DTNB: variants seen among roughly 807,000 people sequenced by gnomAD.
DTNB encodes dystrobrevin beta, also known as DTN-B.
DTNB carries 63 observed loss-of-function variants against 90.7 expected under a neutral mutation model. That is an observed-to-expected ratio of 0.69 (90% CI 0.57 to 0.86). DTNB has a LOEUF of 0.86. Ranked by LOEUF, DTNB falls within the 40% of genes least tolerant of loss-of-function variation. The probability of loss-of-function intolerance (pLI) is 0.00; values close to 1 mark genes in which losing one functional copy is unlikely to be tolerated. For missense variants in DTNB, 744 were observed against 807.1 expected (o/e 0.92, Z 0.95); for synonymous variants, 277 against 286.7 (o/e 0.97, Z 0.34).
chr2:25,627,271 G>A (rs1449868957), intron 4 of DTNB, among the ~76,000 whole-genome samples: 1 of 152,070 alleles, frequency 6.6e-6, no homozygotes, highest in Non-Finnish European at 1.5e-5. Context: ...AATTAGCTGG[G>A]CGTGGTGGCG....
At chr2:25,589,377 T>C (rs986115945) in intron 6 of DTNB, among the ~76,000 whole-genome samples, 26 of 109,018 alleles carry the variant, frequency 2.4e-4, no homozygotes, top group Non-Finnish European at 4.2e-4. Flanking sequence ...CTTTTTTTTT[T>C]TTTTTTTTTT....
chr2:25,382,519 CTTTTT>C lies in DTNB; in HGVS notation c.1879+1312_1879+1316del, dbSNP rs3041261. On this transcript the variant is annotated intron_variant, in intron 19 of 20. Transcript: ENST00000406818. ...GAGTCAGAAAGACCCAGTTCTCTGCCTTTTTTTTTTTTTTTTTTTTTTTTTTTGAG... is the reference window on the plus strand; with the variant it reads ...GAGTCAGAAAGACCCAGTTCTCTGCCTTTTTTTTTTTTTTTTTTTTTTGAG... 8.3e-5 allele frequency among the ~76,000 whole-genome samples: 6 copies of C among 72,006 alleles called. 1 individual carries two copies. The highest frequency in any genetic ancestry group is 1.3e-4 in the Non-Finnish European group (5 of 39,500). The allele number at this position is 72,006 out of a possible 152,430, so 47.2% of individuals were successfully genotyped here.
intron 8 of DTNB, among the ~76,000 whole-genome samples, chr2:25,572,487 T>C (rs1005662468): frequency 6.7e-6 from 1 of 149,816 alleles, no homozygotes; most frequent in Non-Finnish European, 1.5e-5. Flanking sequence ...AAAAAAACTA[T>C]CTGCACCGTC....
At chr2:25,480,478 C>T (rs768737557) in intron 10 of DTNB, among the ~76,000 whole-genome samples, 62 of 151,230 alleles carry the variant, frequency 4.1e-4, no homozygotes, top group African/African-American at 1.4e-3. Context: ...TGGCTACTTA[C>T]AATAAAGCCT....
At chr2:25,480,587 G>T (rs2064743118) in intron 10 of DTNB, among the ~76,000 whole-genome samples, 1 of 152,102 alleles carries the variant, frequency 6.6e-6, no homozygotes, top group Non-Finnish European at 1.5e-5. Flanking sequence ...ATAAAACACT[G>T]TCCAGAAAGC....
intron 10 of DTNB, among the ~76,000 whole-genome samples, chr2:25,458,420 AAAAAG>A (rs1443733087): frequency 1.8e-4 from 27 of 152,096 alleles, no homozygotes; most frequent in South Asian, 6.2e-4. Context: ...TTAAAAAAAA[AAAAAG>A]AGAGAGAGAA....
chr2:25,406,450 G>A (rs1266332026), intron 16 of DTNB, among the ~76,000 whole-genome samples: 5 of 151,200 alleles, frequency 3.3e-5, no homozygotes, highest in African/African-American at 2.4e-5. Context: ...CAGGAGAATC[G>A]CTTGAACCTG....
At chr2:25,526,395 A>ATATATTTTTTTTTTT in intron 9 of DTNB, among the ~76,000 whole-genome samples, 6 of 49,826 alleles carry the variant, frequency 1.2e-4, no homozygotes, top group African/African-American at 5.9e-4. Flanking sequence ...ATATATATAT[A>ATATATTTTTTTTTTT]TTTTTTTTTT....
chr2:25,483,669 A>C (rs1163655931), intron 9 of DTNB, among the ~76,000 whole-genome samples: 1 of 152,164 alleles, frequency 6.6e-6, no homozygotes, highest in Non-Finnish European at 1.5e-5. Context: ...CAAGCTTCTC[A>C]AAAAGGTGCC....
chr2:25,597,202 G>A (rs1460646746), intron 5 of DTNB, among the ~76,000 whole-genome samples: 1 of 151,988 alleles, frequency 6.6e-6, no homozygotes, highest in Non-Finnish European at 1.5e-5. Flanking sequence ...ATAGTGGTGT[G>A]CACCTGTACT....
At position 25,518,272 on chromosome 2, in the gene DTNB, T is replaced by C. The variant is rs111255273; in HGVS notation, c.1001+13201A>G. On this transcript the variant is annotated intron_variant, in intron 9 of 20. Transcript: ENST00000406818. The stretch of plus-strand genomic sequence containing the variant: ...TTGTGAAGTTTTGTGAGATTTTGAG[T>C]TTAAAAGCAGAGAGCTTTATAGTAG... Among the ~76,000 whole-genome samples the C allele has an allele frequency of 3.4e-3, 514 of 152,118 alleles. 2 individuals carry two copies. The highest frequency in any genetic ancestry group is 0.012 in the African/African-American group (489 of 41,482).
intron 16 of DTNB, among the ~76,000 whole-genome samples, chr2:25,403,057 A>G (rs2044151848): frequency 6.6e-6 from 1 of 152,176 alleles, no homozygotes; most frequent in Non-Finnish European, 1.5e-5. Context: ...CCAAGACTAG[A>G]ATTACCTCCT....
At chr2:25,463,905 T>C (rs889691638) in intron 10 of DTNB, among the ~76,000 whole-genome samples, 1 of 152,236 alleles carries the variant, frequency 6.6e-6, no homozygotes, top group Non-Finnish European at 1.5e-5. Flanking sequence ...TGATTTCTTT[T>C]ATTTTTTCCT....
At chr2:25,570,388 T>C (rs372517565) in intron 8 of DTNB, among the ~76,000 whole-genome samples, 8 of 103,010 alleles carry the variant, frequency 7.8e-5, no homozygotes, top group East Asian at 5.8e-4. Flanking sequence ...AGATGGACAA[T>C]AGAGTGGTTT....
At chr2:25,566,193 G>A (rs538463816) in intron 8 of DTNB, among the ~76,000 whole-genome samples, 8 of 152,262 alleles carry the variant, frequency 5.3e-5, no homozygotes, top group African/African-American at 1.7e-4. Context: ...CCTATGGGGG[G>A]CCACATGAAA....
chr2:25,669,467 A>C (rs1247849349), intron 1 of DTNB, among the ~76,000 whole-genome samples: 2 of 152,196 alleles, frequency 1.3e-5, no homozygotes, highest in African/African-American at 4.8e-5. Context: ...AATTTTCTTA[A>C]ACCAGATACA....
intron 9 of DTNB, among the ~76,000 whole-genome samples, chr2:25,520,600 T>C (rs562479498): frequency 3.5e-4 from 54 of 152,366 alleles, no homozygotes; most frequent in African/African-American, 1.2e-3. Flanking sequence ...TGAATTCTGC[T>C]GATATATTTA....
At position 25,467,974 on chromosome 2, in the gene DTNB, C is replaced by T. The variant is rs563178335; in HGVS notation, c.1080-12480G>A. On this transcript the variant is annotated intron_variant, in intron 10 of 20. Coordinates refer to ENST00000406818, the MANE Select transcript of DTNB (RefSeq NM_021907.5). ...ACACAAGGGCAGGAGTTGGCACAAG[C>T]TGTAGTTTGCCAACCGCTGCCCTTG... Among the ~76,000 whole-genome samples, 56 of 152,170 alleles carry T rather than the reference C, an allele frequency of 3.7e-4. No individual in the cohort carries two copies. In the South Asian group the frequency reaches 0.011, roughly 29 times the overall value.
chr2:25,597,891 G>A (rs1163673274), intron 5 of DTNB, among the ~76,000 whole-genome samples: 1 of 152,116 alleles, frequency 6.6e-6, no homozygotes, highest in Non-Finnish European at 1.5e-5. Flanking sequence ...AAGAATTTGA[G>A]CTGACAACAG....
Sources: allele counts gnomAD v4.1 joint callset (sites outside exome capture counted in the v4.1 genomes callset), GRCh38; gene constraint gnomAD v4.1.1; transcripts MANE v1.5; gene names NCBI Gene and HGNC (gene_info 2026-07-23, HGNC 2026-07-21).